The following MEGF9 variants were observed in gnomAD, a reference collection of about 807,000 sequenced individuals.
MEGF9 encodes the protein multiple EGF like domains 9.
In MEGF9, 6 loss-of-function variants were observed where a neutral mutation model predicts 46.8. The ratio of observed to expected loss-of-function variants is 0.13; its 90% CI spans 0.07 to 0.25. The LOEUF (loss-of-function observed/expected upper bound fraction) is 0.25, where lower values mean the gene tolerates loss of function less well. Ranked by LOEUF, MEGF9 falls within the 10% of genes least tolerant of loss-of-function variation. The pLI is 1.00. For synonymous variants in MEGF9, 302 were observed against 330.7 expected (o/e 0.91, Z 0.94); for missense variants, 683 against 792.4 (o/e 0.86, Z 1.66).
At chr9:120,622,442 G>A (rs6478479) in intron 3 of MEGF9, among the ~76,000 whole-genome samples, 174 bp downstream of exon 3, 2,347 of 33,886 alleles carry the variant, frequency 0.069, 79 homozygotes, top group African/African-American at 0.14. Context: ...TTTAATTTAC[G>A]TACTTTTTCA....
chr9:120,686,087 AT>A (rs939309954), intron 1 of MEGF9, among the ~76,000 whole-genome samples: 2,563 of 136,994 alleles, frequency 0.019, 63 homozygotes, highest in African/African-American at 0.056. Flanking sequence ...AGTTGAGGGA[AT>A]TTTTTTTTTT....
chr9:120,617,702 CAGAGAATAGGGAGAGAAG>C (rs1302877455), intron 3 of MEGF9, among the ~76,000 whole-genome samples: 16 of 152,208 alleles, frequency 1.1e-4, no homozygotes, highest in African/African-American at 3.6e-4. Flanking sequence ...GGGTGGGGAT[CAGAGAATAGGGAGAGAAG>C]AGAGGAGGCT....
intron 2 of MEGF9, among the ~76,000 whole-genome samples, chr9:120,627,909 C>G (rs933704243): frequency 2.0e-5 from 3 of 152,196 alleles, no homozygotes; most frequent in African/African-American, 7.2e-5. Context: ...TGAAATGTAT[C>G]AATTTTCTTC....
chr9:120,637,924 AAT>A (rs2043585978), intron 2 of MEGF9, among the ~76,000 whole-genome samples: 1 of 152,080 alleles, frequency 6.6e-6, no homozygotes, highest in Non-Finnish European at 1.5e-5. Flanking sequence ...TTGCTTCTCA[AAT>A]ATGTTAATAT....
chr9:120,614,907 C>T (rs1459801714), intron 3 of MEGF9, among the ~76,000 whole-genome samples: 1 of 151,754 alleles, frequency 6.6e-6, no homozygotes, highest in Non-Finnish European at 1.5e-5. Flanking sequence ...CATGTTGCTA[C>T]CCTTTATATA....
intron 2 of MEGF9, among the ~76,000 whole-genome samples, chr9:120,640,579 C>T (rs998441985): frequency 6.6e-6 from 1 of 152,080 alleles, no homozygotes; most frequent in Non-Finnish European, 1.5e-5. Context: ...TTAATGATTG[C>T]ATAATCTGGC....
chr9:120,691,819 C>T lies in MEGF9; in HGVS notation c.601+21939G>A, dbSNP rs374393615. 2.9e-3 allele frequency among the ~76,000 whole-genome samples: 443 copies of T among 152,114 alleles called. 4 individuals are homozygous for T. The highest frequency in any genetic ancestry group is 0.017 in the South Asian group (84 of 4,822). On this transcript the variant is annotated intron_variant, in intron 1 of 5. Coordinates refer to ENST00000373930, the MANE Select transcript of MEGF9 (RefSeq NM_001080497.3). ...TGGATACTTCAAGGCTGAACATTACCGGTTTGGGTAGCATTAGAAAGAATT... is the reference window on the plus strand; with the variant it reads ...TGGATACTTCAAGGCTGAACATTACTGGTTTGGGTAGCATTAGAAAGAATT...
At chr9:120,631,050 G>A (rs534494463) in intron 2 of MEGF9, among the ~76,000 whole-genome samples, 1 of 152,092 alleles carries the variant, frequency 6.6e-6, no homozygotes, top group Admixed American at 6.5e-5. Context: ...CAAAATCTCT[G>A]CCCAGAGCAC....
chr9:120,690,371 G>A (rs938683801), intron 1 of MEGF9, among the ~76,000 whole-genome samples: 1 of 152,154 alleles, frequency 6.6e-6, no homozygotes, highest in Admixed American at 6.5e-5. Flanking sequence ...GAGTCAGTGT[G>A]TGTGTGTGTA....
At chr9:120,702,173 T>A (rs553209373) in intron 1 of MEGF9, among the ~76,000 whole-genome samples, 11 of 152,330 alleles carry the variant, frequency 7.2e-5, no homozygotes, top group African/African-American at 2.2e-4. Context: ...GTACCAAATC[T>A]TAGATATGTC....
At chr9:120,642,911 C>T (rs1485389911) in intron 2 of MEGF9, among the ~76,000 whole-genome samples, 1 of 152,128 alleles carries the variant, frequency 6.6e-6, no homozygotes, top group Non-Finnish European at 1.5e-5. Context: ...AAACCCCAAA[C>T]TGAAAAACTA....
intron 2 of MEGF9, among the ~76,000 whole-genome samples, chr9:120,652,187 A>C (rs1316636864): frequency 3.6e-5 from 5 of 140,282 alleles, no homozygotes; most frequent in African/African-American, 1.0e-4. Context: ...CACACAAAAA[A>C]AAAAAAAAAA....
chr9:120,668,060 A>G (rs1316704580), intron 1 of MEGF9, among the ~76,000 whole-genome samples: 1 of 152,028 alleles, frequency 6.6e-6, no homozygotes, highest in Non-Finnish European at 1.5e-5. Context: ...CAACAAAACT[A>G]TATTATCTTG....
At chr9:120,698,076 A>C (rs2043886445) in intron 1 of MEGF9, among the ~76,000 whole-genome samples, 1 of 152,238 alleles carries the variant, frequency 6.6e-6, no homozygotes, top group African/African-American at 2.4e-5. Context: ...CTCATGTTAC[A>C]GAAGATAGTA....
intron 1 of MEGF9, among the ~76,000 whole-genome samples, chr9:120,664,212 G>C (rs1034801640): frequency 6.6e-6 from 1 of 151,982 alleles, no homozygotes; most frequent in African/African-American, 2.4e-5. Context: ...ATACCTGGTA[G>C]GCTCTCTCTT....
intron 2 of MEGF9, among the ~76,000 whole-genome samples, chr9:120,653,667 C>T (rs960116732): frequency 7.2e-5 from 11 of 152,214 alleles, no homozygotes; most frequent in Middle Eastern, 3.4e-3. Context: ...CCACCGCGCC[C>T]GGCCTTTATT....
At position 120,629,958 on chromosome 9, in the gene MEGF9, T is replaced by C. The variant is rs74309519; in HGVS notation, c.804-7203A>G. 2.0e-5 allele frequency among the ~76,000 whole-genome samples: 3 copies of C among 152,220 alleles called. No individual in the cohort carries two copies. The East Asian group carries it at 5.8e-4, about 29-fold the overall frequency. ...AAAAAAAAAAAAAAGAAAAGTTTTA[T>C]TGGAACACAGTCATTAATTTACGTA... On this transcript the variant is annotated intron_variant, in intron 2 of 5. Transcript: ENST00000373930.
At chr9:120,712,134 T>C in intron 1 of MEGF9, among the ~76,000 whole-genome samples, 1 of 152,078 alleles carries the variant, frequency 6.6e-6, no homozygotes, top group East Asian at 1.9e-4. Context: ...GACCCACGCC[T>C]GTAGTCTCAG....
At chr9:120,606,189 A>C (rs1564410679) in intron 5 of MEGF9, among the ~76,000 whole-genome samples, 2 of 151,490 alleles carry the variant, frequency 1.3e-5, no homozygotes, top group South Asian at 4.2e-4. Flanking sequence ...AAAAAAAAAA[A>C]ATCTTTGGGA....
Sources: gnomAD v4.1 joint callset for allele counts (sites outside exome capture counted in the v4.1 genomes callset) on GRCh38, gnomAD v4.1.1 for gene constraint, MANE v1.5 for transcripts, NCBI Gene and HGNC (gene_info 2026-07-23, HGNC 2026-07-21) for gene names.